The following MATN2 variants were observed in gnomAD, a reference collection of about 807,000 sequenced individuals.
MATN2 encodes the protein matrilin-2.
MATN2 carries 69 observed loss-of-function variants against 103.2 expected under a neutral mutation model. That is an observed-to-expected ratio of 0.67 (90% CI 0.55 to 0.82). The LOEUF is 0.82. Among genes scored for constraint, MATN2 ranks in the 40% least tolerant of loss-of-function variants. MATN2 has a pLI of 0.00. For synonymous variants in MATN2, 429 were observed against 450.2 expected (o/e 0.95, Z 0.60); for missense variants, 1,023 against 1,211.5 (o/e 0.84, Z 2.31).
intron 2 of MATN2, among the ~76,000 whole-genome samples, chr8:97,892,201 C>A (rs574215454): frequency 6.7e-6 from 1 of 150,110 alleles, no homozygotes; most frequent in African/African-American, 2.5e-5. Context: ...CACACCACTG[C>A]ACTTCAGCCT....
chr8:97,943,686 C>T (rs147850703), intron 4 of MATN2, among the ~76,000 whole-genome samples: 281 of 152,230 alleles, frequency 1.8e-3, no homozygotes, highest in Middle Eastern at 3.4e-3. Flanking sequence ...AACTCCTGAG[C>T]TCAAGTGCTC....
intron 1 of MATN2, among the ~76,000 whole-genome samples, chr8:97,887,218 A>AT (rs531801356): frequency 2.6e-4 from 39 of 149,946 alleles, no homozygotes; most frequent in Admixed American, 6.0e-4. Context: ...ATAAATTTAA[A>AT]TTTTTTTTTT....
Position 98,000,277 on chromosome 8 carries a change from C to T in MATN2, c.1205-3384C>T, listed in dbSNP as rs899685275. ...TGGATCTTGATCAAGTTATTAACCT[C>T]GCTAAACCTCAATTCCTCAGCTTTG... On this transcript the variant is annotated intron_variant, in intron 7 of 18. Coordinates refer to ENST00000254898, the MANE Select transcript of MATN2 (RefSeq NM_002380.5). Among the ~76,000 whole-genome samples, 8 of 151,992 alleles carry T rather than the reference C, an allele frequency of 5.3e-5. No individual in the cohort carries two copies. In the East Asian group the frequency reaches 5.8e-4, roughly 11 times the overall value.
At chr8:97,999,561 G>T (rs1354898738) in intron 7 of MATN2, among the ~76,000 whole-genome samples, 2 of 152,190 alleles carry the variant, frequency 1.3e-5, no homozygotes, top group African/African-American at 4.8e-5. Flanking sequence ...CTCCATCAAA[G>T]CTCTTGGCTT....
intron 6 of MATN2, among the ~76,000 whole-genome samples, chr8:97,983,860 A>T (rs1019657755): frequency 6.6e-6 from 1 of 152,242 alleles, no homozygotes; most frequent in Non-Finnish European, 1.5e-5. Context: ...TATGTTGCTC[A>T]GGTTGGACTA....
At chr8:97,914,517 T>A (rs1809555814) in intron 2 of MATN2, among the ~76,000 whole-genome samples, 1 of 151,444 alleles carries the variant, frequency 6.6e-6, no homozygotes, top group Non-Finnish European at 1.5e-5. Flanking sequence ...ACTACAGGCC[T>A]GCACCATTAC....
chr8:97,949,074 C>T (rs554032250), intron 4 of MATN2, among the ~76,000 whole-genome samples: 1 of 152,024 alleles, frequency 6.6e-6, no homozygotes, highest in African/African-American at 2.4e-5. Context: ...TTTGAACAGA[C>T]ACTAAACCAT....
At chr8:97,948,678 G>A (rs2444883) in intron 4 of MATN2, among the ~76,000 whole-genome samples, 73,554 of 151,988 alleles carry the variant, frequency 0.48, 18,258 homozygotes, top group East Asian at 0.66. Flanking sequence ...AAGGAACATA[G>A]ATCTTGTCTT....
chr8:97,924,002 T>G (rs946195812), intron 2 of MATN2, among the ~76,000 whole-genome samples: 3 of 152,240 alleles, frequency 2.0e-5, no homozygotes, highest in African/African-American at 7.2e-5. Context: ...TATCTGGACT[T>G]CCAGTTAATT....
At chr8:98,013,253 A>G (rs1048250833) in intron 10 of MATN2, among the ~76,000 whole-genome samples, 1 of 152,224 alleles carries the variant, frequency 6.6e-6, no homozygotes, top group Non-Finnish European at 1.5e-5. Flanking sequence ...CTTTGAATTT[A>G]TAAGTGGCCC....
intron 2 of MATN2, among the ~76,000 whole-genome samples, chr8:97,902,457 A>G (rs1480001749): frequency 6.7e-6 from 1 of 149,974 alleles, no homozygotes; most frequent in East Asian, 2.0e-4. Flanking sequence ...AGATCGCACC[A>G]TTGCACTCCA....
At chr8:97,947,049 G>T (rs1337846492) in intron 4 of MATN2, among the ~76,000 whole-genome samples, 1 of 152,160 alleles carries the variant, frequency 6.6e-6, no homozygotes, top group Non-Finnish European at 1.5e-5. Context: ...ATGCAAGTTT[G>T]GTTTAACATT....
At chr8:97,960,696 G>A (rs575007661) in intron 4 of MATN2, among the ~76,000 whole-genome samples, 1 of 152,190 alleles carries the variant, frequency 6.6e-6, no homozygotes, top group East Asian at 1.9e-4. Context: ...GCACAAAGAG[G>A]GTTTTCAAAG....
At chr8:97,959,532 G>A (rs1158245923) in intron 4 of MATN2, among the ~76,000 whole-genome samples, 1 of 152,106 alleles carries the variant, frequency 6.6e-6, no homozygotes, top group Non-Finnish European at 1.5e-5. Context: ...AATCTACATT[G>A]GACTTTCTGG....
chr8:98,035,948 A>ATAAT lies in MATN2; in HGVS notation c.*239_*240insTTAA. On this transcript the variant is annotated 3_prime_UTR_variant, in exon 19 of 19. Transcript: ENST00000254898. ...AGATGAATTTACCAGGTGAGAATGA[A>ATAAT]TAAGCTATGCAAGGTATTTTGTAAT... 2.6e-6 allele frequency: 1 copy of ATAAT among 377,918 alleles called. No homozygotes were observed. The highest frequency in any genetic ancestry group is 4.7e-6 in the Non-Finnish European group (1 of 212,856). The allele number at this position is 377,918 out of a possible 1,614,324, so 23.4% of individuals were successfully genotyped here. A position where few individuals can be genotyped will look rare whatever the true frequency, so the allele number is the denominator to read the frequency against.
chr8:97,919,483 C>T (rs1809740729), intron 2 of MATN2, among the ~76,000 whole-genome samples: 1 of 152,174 alleles, frequency 6.6e-6, no homozygotes. Context: ...CCACCCACCT[C>T]GGCCTCCCAA....
chr8:97,901,465 C>G (rs562440543), intron 2 of MATN2, among the ~76,000 whole-genome samples: 1 of 152,292 alleles, frequency 6.6e-6, no homozygotes, highest in African/African-American at 2.4e-5. Context: ...GTTGGCCAGG[C>G]TGGTCTTGAA....
At chr8:97,972,357 A>G (rs2130291340) in intron 5 of MATN2, among the ~76,000 whole-genome samples, 1 of 141,486 alleles carries the variant, frequency 7.1e-6, no homozygotes, top group Admixed American at 7.5e-5. Flanking sequence ...AAAAAAAAAG[A>G]AAAGAAAAGA....
intron 1 of MATN2, among the ~76,000 whole-genome samples, chr8:97,872,372 A>G (rs1428286396): frequency 6.6e-6 from 1 of 152,220 alleles, no homozygotes; most frequent in African/African-American, 2.4e-5. Context: ...TACTTATGGA[A>G]AGTGGGGCTC....
Sources: gnomAD v4.1 joint callset for allele counts (sites outside exome capture counted in the v4.1 genomes callset) on GRCh38, gnomAD v4.1.1 for gene constraint, MANE v1.5 for transcripts, NCBI Gene and HGNC (gene_info 2026-07-23, HGNC 2026-07-21) for gene names.